Variants in FOXP1 observed in about 807,000 individuals in gnomAD.
FOXP1 encodes forkhead box protein P1.
In FOXP1, 15 loss-of-function variants were observed where a neutral mutation model predicts 98.2. The ratio of observed to expected loss-of-function variants is 0.15; its 90% CI spans 0.10 to 0.24. The LOEUF (loss-of-function observed/expected upper bound fraction) is 0.24, where lower values mean the gene tolerates loss of function less well. FOXP1 is among the 10% of genes least tolerant of loss of function. The probability of loss-of-function intolerance (pLI) is 1.00; values close to 1 mark genes in which losing one functional copy is unlikely to be tolerated. For missense variants in FOXP1, 633 were observed against 848.5 expected, an observed-to-expected ratio of 0.75 and a Z score of 3.15; for synonymous variants, 371 against 314.5, an observed-to-expected ratio of 1.18 and a Z score of -1.90.
chr3:71,086,028 G>A (rs979342011), intron 7 of FOXP1, among the ~76,000 whole-genome samples: 15 of 152,032 alleles, frequency 9.9e-5, no homozygotes, highest in South Asian at 2.1e-4. Flanking sequence ...GCACATTTAC[G>A]GCCATTTTAT....
At chr3:71,413,199 A>AC (rs71120328) in intron 3 of FOXP1, among the ~76,000 whole-genome samples, 9,327 of 36,074 alleles carry the variant, frequency 0.26, 932 homozygotes, top group South Asian at 0.37. Context: ...CACACACACC[A>AC]CCCCCCCAAA....
At chr3:71,159,104 C>CAAAA (rs34653634) in intron 6 of FOXP1, among the ~76,000 whole-genome samples, 3 of 78,000 alleles carry the variant, frequency 3.8e-5, no homozygotes, top group African/African-American at 9.3e-5. Flanking sequence ...AACCCTATCT[C>CAAAA]AAAAAAAAAA....
intron 2 of FOXP1, among the ~76,000 whole-genome samples, chr3:71,557,385 TA>T (rs778929848): frequency 0.03 from 3,925 of 130,108 alleles, 112 homozygotes; most frequent in African/African-American, 0.078. Context: ...TTAAAAAAAG[TA>T]AAAAAAAAAA....
chr3:71,538,489 G>C (rs1335291095), intron 2 of FOXP1, among the ~76,000 whole-genome samples: 4 of 152,194 alleles, frequency 2.6e-5, no homozygotes, highest in Non-Finnish European at 5.9e-5. Flanking sequence ...TGCAGCAGGA[G>C]TACTTCATTC....
chr3:71,272,146 C>G (rs904764375), intron 5 of FOXP1, among the ~76,000 whole-genome samples: 1 of 152,032 alleles, frequency 6.6e-6, no homozygotes, highest in Non-Finnish European at 1.5e-5. Flanking sequence ...AAACAACCAC[C>G]GAACAAGGCA....
chr3:71,431,024 T>A (rs1483230142), intron 3 of FOXP1, among the ~76,000 whole-genome samples: 2 of 152,250 alleles, frequency 1.3e-5, no homozygotes, highest in East Asian at 3.9e-4. Context: ...AACAAAGCAT[T>A]TAGAAGGTGC....
intron 9 of FOXP1, among the ~76,000 whole-genome samples, chr3:71,048,974 A>G (rs1483341970): frequency 2.0e-5 from 3 of 152,140 alleles, no homozygotes; most frequent in African/African-American, 7.2e-5. Context: ...CCAGGATATA[A>G]AAGTATACAA....
At chr3:71,064,666 A>G (rs1016508773) in intron 7 of FOXP1, among the ~76,000 whole-genome samples, 2 of 150,092 alleles carry the variant, frequency 1.3e-5, no homozygotes, top group African/African-American at 5.0e-5. Context: ...ACTCCTACCC[A>G]ACTTGGTAAA....
At chr3:71,148,966 C>G (rs1405525722) in intron 6 of FOXP1, among the ~76,000 whole-genome samples, 1 of 152,128 alleles carries the variant, frequency 6.6e-6, no homozygotes. Flanking sequence ...CAAAGATTTC[C>G]TAGAGGAACT....
chr3:71,016,520 T>C (rs144443133), intron 11 of FOXP1, among the ~76,000 whole-genome samples: 11 of 152,246 alleles, frequency 7.2e-5, no homozygotes, highest in East Asian at 1.9e-4. Flanking sequence ...TTCCATCAGA[T>C]AGAAATGTAA....
intron 5 of FOXP1, among the ~76,000 whole-genome samples, chr3:71,267,314 G>T (rs1363386089): frequency 6.6e-6 from 1 of 152,116 alleles, no homozygotes; most frequent in Non-Finnish European, 1.5e-5. Flanking sequence ...TTACAAAGAG[G>T]TTCAATATTA....
intron 3 of FOXP1, among the ~76,000 whole-genome samples, chr3:71,455,439 T>C (rs1955848523): frequency 6.6e-6 from 1 of 152,186 alleles, no homozygotes; most frequent in Non-Finnish European, 1.5e-5. Flanking sequence ...TTAAACACCC[T>C]TCCCTTTTAA....
chr3:71,526,986 A>T (rs1249527631), intron 2 of FOXP1, among the ~76,000 whole-genome samples: 2 of 151,412 alleles, frequency 1.3e-5, no homozygotes, highest in Non-Finnish European at 2.9e-5. Flanking sequence ...AAAAAAAAAA[A>T]GTTCCCCTCT....
intron 3 of FOXP1, among the ~76,000 whole-genome samples, chr3:71,454,805 A>C (rs1283352760): frequency 1.4e-5 from 1 of 69,240 alleles, no homozygotes; most frequent in African/African-American, 4.2e-5. Flanking sequence ...AAAAAAAAAA[A>C]CAAAAAAAAA....
chr3:71,242,517 G>C (rs576726170), intron 5 of FOXP1, among the ~76,000 whole-genome samples: 1 of 152,280 alleles, frequency 6.6e-6, no homozygotes, highest in Admixed American at 6.5e-5. Flanking sequence ...CACAAATTTC[G>C]TATATGTGAA....
chr3:71,348,590 A>G (rs1203866949), intron 4 of FOXP1, among the ~76,000 whole-genome samples: 1 of 151,528 alleles, frequency 6.6e-6, no homozygotes, highest in African/African-American at 2.4e-5. Flanking sequence ...TATAAGTCAC[A>G]CATGCAGGTG....
At position 71,038,912 on chromosome 3, in the gene FOXP1, T is replaced by C. The variant is rs561152259; in HGVS notation, c.869+2416A>G. The stretch of plus-strand genomic sequence containing the variant: ...AACTCCTGGCCTCAAGCAATCCTCC[T>C]GCCTCGGCCTCACAAAGTGCTGAGA... On this transcript the variant is annotated intron_variant, in intron 11 of 20. Transcript: ENST00000649528. Among the ~76,000 whole-genome samples, 16 of 152,262 alleles carry C rather than the reference T, an allele frequency of 1.1e-4. No individual in the cohort carries two copies. The South Asian group carries it at 1.5e-3, about 14-fold the overall frequency.
At chr3:71,510,384 G>A (rs564993202) in intron 2 of FOXP1, among the ~76,000 whole-genome samples, 27 of 152,178 alleles carry the variant, frequency 1.8e-4, no homozygotes, top group Admixed American at 2.0e-4. Context: ...GGCTGAGGCA[G>A]GAGAATCGCT....
chr3:71,051,654 G>T (rs2049911565), intron 9 of FOXP1, among the ~76,000 whole-genome samples: 1 of 152,106 alleles, frequency 6.6e-6, no homozygotes, highest in Non-Finnish European at 1.5e-5. Context: ...TAAACAAAAA[G>T]AATTTTCAGT....
Sources: gnomAD v4.1 joint callset for allele counts (sites outside exome capture counted in the v4.1 genomes callset) on GRCh38, gnomAD v4.1.1 for gene constraint, MANE v1.5 for transcripts, NCBI Gene and HGNC (gene_info 2026-07-23, HGNC 2026-07-21) for gene names.